The following RYR3 variants were observed in gnomAD, a reference collection of about 807,000 sequenced individuals.
RYR3 encodes the protein ryanodine receptor 3, also known as brain ryanodine receptor-calcium release channel.
Under a neutral mutation model 584.3 loss-of-function variants are expected in RYR3, and 207 were observed. The ratio of observed to expected loss-of-function variants is 0.35; its 90% confidence interval spans 0.32 to 0.40. RYR3 has a LOEUF of 0.40. RYR3 is among the 10% of genes least tolerant of loss of function. The pLI is 1.00. For missense variants in RYR3, 5,616 were observed against 6,089.2 expected (o/e 0.92, Z 2.59); for synonymous variants, 2,416 against 2,248.5 (o/e 1.07, Z -2.11).
At chr15:33,751,704 T>C (rs1445792003) in intron 57 of RYR3, among the ~76,000 whole-genome samples, 5 of 152,226 alleles carry the variant, frequency 3.3e-5, no homozygotes, top group Non-Finnish European at 5.9e-5. Context: ...GATGGTAGTT[T>C]CTTTTGCTAT....
chr15:33,725,481 C>T (rs1012600327), intron 45 of RYR3, among the ~76,000 whole-genome samples: 2 of 152,136 alleles, frequency 1.3e-5, no homozygotes, highest in African/African-American at 2.4e-5. Context: ...GATATGCATG[C>T]ACACCATTGT....
chr15:33,777,229 A>G (rs544087250), intron 64 of RYR3, among the ~76,000 whole-genome samples: 15 of 152,184 alleles, frequency 9.9e-5, no homozygotes, highest in African/African-American at 3.6e-4. Flanking sequence ...AACCCTTCCA[A>G]TATATCCTCT....
chr15:33,863,575 G>A (rs772617237), intron 102 of RYR3, among the ~76,000 whole-genome samples: 45 of 152,172 alleles, frequency 3.0e-4, no homozygotes, highest in Non-Finnish European at 5.1e-4. Flanking sequence ...ATACTTATGT[G>A]TCACAGACAA....
chr15:33,467,491 A>G, intron 1 of RYR3: 1 of 984,754 alleles, frequency 1.0e-6, no homozygotes, highest in Non-Finnish European at 1.2e-6. Context: ...GAGCCAAGGT[A>G]TAAGAAAGAA....
At chr15:33,781,837 T>G (rs2074397644) in intron 65 of RYR3, among the ~76,000 whole-genome samples, 1 of 130,716 alleles carries the variant, frequency 7.7e-6, no homozygotes, top group African/African-American at 2.9e-5. Context: ...TTCTTCCCTT[T>G]GAAATTAGCA....
chr15:33,373,667 TG>T (rs1181051886), intron 1 of RYR3, among the ~76,000 whole-genome samples: 1 of 152,230 alleles, frequency 6.6e-6, no homozygotes, highest in Non-Finnish European at 1.5e-5. Flanking sequence ...GGAGATAACT[TG>T]ATTTTTATGT....
rs562138583 is a variant in RYR3, at chr15:33,681,344, C to T, written c.5860+10788C>T. Among the ~76,000 whole-genome samples, 14 of 152,304 alleles carry T rather than the reference C, an allele frequency of 9.2e-5. No individual in the cohort carries two copies. The South Asian group carries it at 1.2e-3, about 14-fold the overall frequency. The stretch of plus-strand genomic sequence containing the variant: ...GCAAACAACACAAATTTACCTCTTA[C>T]GGTTCTGGAGGTCACAAGTCAACAG... On this transcript the variant is annotated intron_variant, in intron 38 of 103. Coordinates refer to ENST00000634891, the MANE Select transcript of RYR3 (RefSeq NM_001036.6).
intron 10 of RYR3, among the ~76,000 whole-genome samples, chr15:33,554,636 G>A (rs1364165679): frequency 2.0e-5 from 3 of 152,180 alleles, no homozygotes; most frequent in Non-Finnish European, 4.4e-5. Context: ...CCATCCTTGT[G>A]TAATCATTTT....
intron 69 of RYR3, among the ~76,000 whole-genome samples, chr15:33,803,929 A>G (rs1431674303): frequency 6.6e-6 from 1 of 152,210 alleles, no homozygotes; most frequent in Non-Finnish European, 1.5e-5. Flanking sequence ...CAGGACTTGG[A>G]TCCTGGATGA....
chr15:33,789,696 A>G lies in RYR3; in HGVS notation c.9830+1238A>G, dbSNP rs867867002. ...TTTTTTTTTTTTTTTTTTTTTTGAG[A>G]CGGAGTCTCACTTCGTCACCCAGGC... On this transcript the variant is annotated intron_variant, in intron 67 of 103. Coordinates refer to ENST00000634891, the MANE Select transcript of RYR3 (RefSeq NM_001036.6). 5.9e-3 allele frequency among the ~76,000 whole-genome samples: 250 copies of G among 42,230 alleles called. 5 individuals carry two copies. The highest frequency in any genetic ancestry group is 0.023 in the African/African-American group (232 of 10,308). 27.7% of individuals were successfully genotyped at this position (42,230 alleles called of 152,430 possible).
At chr15:33,329,567 C>T (rs1001210487) in intron 1 of RYR3, among the ~76,000 whole-genome samples, 2 of 151,746 alleles carry the variant, frequency 1.3e-5, no homozygotes, top group Admixed American at 1.3e-4. Flanking sequence ...AGAGCGATTC[C>T]ACTTTTGAGC....
intron 74 of RYR3, among the ~76,000 whole-genome samples, chr15:33,814,837 G>A (rs577761023): frequency 2.7e-5 from 4 of 146,616 alleles, no homozygotes; most frequent in East Asian, 4.1e-4. Context: ...GGAGGCGGAG[G>A]TTACAGTGAG....
chr15:33,739,476 C>T lies in RYR3; in HGVS notation c.7657-356C>T, dbSNP rs143852857. Among the ~76,000 whole-genome samples, 833 of 151,476 alleles carry T rather than the reference C, an allele frequency of 5.5e-3. 12 individuals carry two copies. Among genetic ancestry groups the T allele is most frequent in the African/African-American group, 0.02 (804 of 41,150 alleles). ...GCCCTCTCCAGTTATAAGTTGGGTC[C>T]GTTTCTGTGACCATCCTTAGCAGAC... On this transcript the variant is annotated intron_variant, in intron 50 of 103. Coordinates refer to ENST00000634891, the MANE Select transcript of RYR3 (RefSeq NM_001036.6).
At chr15:33,388,811 C>A (rs375543069) in intron 1 of RYR3, among the ~76,000 whole-genome samples, 1 of 151,908 alleles carries the variant, frequency 6.6e-6, no homozygotes, top group African/African-American at 2.4e-5. Context: ...TAAACATGAA[C>A]AACAGAGAGC....
rs550942933 is a variant in RYR3 at position 33,479,428 on chromosome 15, A to T, written c.171+5890A>T. On this transcript the variant is annotated intron_variant, in intron 2 of 103. Transcript: ENST00000634891. The stretch of plus-strand genomic sequence containing the variant: ...AAAGACCAGGCTATTATAAAACTTT[A>T]AAAAAAAAAAACTCCCTTATCATGT... 2.8e-4 allele frequency among the ~76,000 whole-genome samples: 11 copies of T among 38,892 alleles called. No homozygotes were observed. The South Asian group carries it at 4.8e-3, about 17-fold the overall frequency. 25.5% of individuals were successfully genotyped at this position (38,892 alleles called of 152,430 possible).
intron 43 of RYR3, among the ~76,000 whole-genome samples, chr15:33,712,590 T>A (rs1439755830): frequency 6.6e-6 from 1 of 152,178 alleles, no homozygotes; most frequent in Non-Finnish European, 1.5e-5. Context: ...CTAAGTAGAT[T>A]TGCAGTCCAT....
chr15:33,420,478 C>A (rs146561699), intron 1 of RYR3, among the ~76,000 whole-genome samples: 191 of 152,190 alleles, frequency 1.3e-3, no homozygotes, highest in Non-Finnish European at 2.4e-3. Context: ...TCTTGTAGAC[C>A]ATTCCATTCA....
intron 27 of RYR3, 30 bp downstream of exon 27, chr15:33,636,580 C>A: frequency 6.5e-7 from 1 of 1,540,884 alleles, no homozygotes; most frequent in Non-Finnish European, 8.7e-7. Context: ...CCAACCCCAG[C>A]TCCATGAGGC....
intron 36 of RYR3, among the ~76,000 whole-genome samples, chr15:33,665,283 A>G (rs2063434695): frequency 6.6e-6 from 1 of 152,078 alleles, no homozygotes; most frequent in East Asian, 1.9e-4. Context: ...ACCTTTCTGT[A>G]TCTGTTTCTT....
Sources: gnomAD v4.1 joint callset for allele counts (sites outside exome capture counted in the v4.1 genomes callset) on GRCh38, gnomAD v4.1.1 for gene constraint, MANE v1.5 for transcripts, NCBI Gene and HGNC (gene_info 2026-07-23, HGNC 2026-07-21) for gene names.